DOK7: variants seen among roughly 807,000 people sequenced by gnomAD.
The protein encoded by DOK7 is docking protein 7, also known as protein Dok-7.
Under a neutral mutation model 30.7 loss-of-function variants are expected in DOK7, and 32 were observed. That is an observed-to-expected ratio of 1.04 (90% CI 0.79 to 1.40). The LOEUF (loss-of-function observed/expected upper bound fraction) is 1.40, where lower values mean the gene tolerates loss of function less well. Ranked by LOEUF, DOK7 falls within the 40% of genes most tolerant of loss-of-function variation. DOK7 has a pLI of 0.00. For synonymous variants in DOK7, 447 were observed against 324.1 expected (o/e 1.38, Z -4.07); for missense variants, 1,007 against 699.2 (o/e 1.44, Z -4.97).
intron 2 of DOK7, among the ~76,000 whole-genome samples, chr4:3,465,369 G>A (rs1051654540): frequency 6.6e-6 from 1 of 152,188 alleles, no homozygotes; most frequent in South Asian, 2.1e-4. Flanking sequence ...CCCGCTCAGC[G>A]CTGGAGACCA....
At chr4:3,490,198 T>TC (rs1176809149) in intron 6 of DOK7, among the ~76,000 whole-genome samples, 2 of 46,138 alleles carry the variant, frequency 4.3e-5, no homozygotes, top group Non-Finnish European at 7.3e-5. Context: ...ACTCATTCCT[T>TC]CCCCCCTCAT....
At chr4:3,464,240 C>T (rs1726142437) in intron 2 of DOK7, among the ~76,000 whole-genome samples, 1 of 152,188 alleles carries the variant, frequency 6.6e-6, no homozygotes, top group Admixed American at 6.5e-5. Flanking sequence ...GGATGCTCGG[C>T]CTGTGTGCAT....
chr4:3,469,288 G>A (rs907552801), intron 2 of DOK7, among the ~76,000 whole-genome samples: 1 of 152,044 alleles, frequency 6.6e-6, no homozygotes, highest in Non-Finnish European at 1.5e-5. Flanking sequence ...CCTCTTCCTC[G>A]TTTGTCTCCT....
chr4:3,482,942 A>G (rs1727521752), intron 4 of DOK7, among the ~76,000 whole-genome samples: 1 of 151,962 alleles, frequency 6.6e-6, no homozygotes, highest in Non-Finnish European at 1.5e-5. Flanking sequence ...CCGTGAGAGC[A>G]CCACAGAGGG....
At chr4:3,500,729 G>A in exon 8 of DOK7, 1 of 1,535,738 alleles carries the variant, frequency 6.5e-7, no homozygotes, top group Non-Finnish European at 8.7e-7. Flanking sequence ...TCGACATCAT[G>A]GCCACCGAGA....
chr4:3,482,069 C>T (rs1013672656), intron 4 of DOK7, among the ~76,000 whole-genome samples: 1 of 152,282 alleles, frequency 6.6e-6, no homozygotes, highest in South Asian at 2.1e-4. Context: ...CTTACCCTCA[C>T]GCCTCCTATC....
intron 7 of DOK7, chr4:3,500,478 C>G: frequency 6.6e-7 from 1 of 1,512,312 alleles, no homozygotes; most frequent in Non-Finnish European, 8.8e-7. Flanking sequence ...GAGCCCCCAG[C>G]CCCACCCAGC....
intron 4 of DOK7, among the ~76,000 whole-genome samples, chr4:3,480,371 G>A (rs564313023): frequency 6.6e-6 from 1 of 152,332 alleles, no homozygotes; most frequent in African/African-American, 2.4e-5. Flanking sequence ...ACTTTGGGAG[G>A]CGGAGGTGGG....
chr4:3,469,032 G>T (rs1262725476), intron 2 of DOK7, among the ~76,000 whole-genome samples: 3 of 149,292 alleles, frequency 2.0e-5, no homozygotes, highest in African/African-American at 7.5e-5. Flanking sequence ...GCCTGTGTAT[G>T]TGTATGAGTG....
In DOK7 at chr4:3,493,649, C is replaced by T. The variant is rs571393932; in HGVS notation, c.*148C>T. The T allele has an allele frequency of 1.6e-3, 2,273 of 1,461,292 alleles. 6 individuals are homozygous for T. The highest frequency in any genetic ancestry group is 2.5e-3 in the South Asian group (172 of 69,230). 90.5% of individuals were successfully genotyped at this position (1,461,292 alleles called of 1,614,324 possible). On this transcript the variant is annotated 3_prime_UTR_variant, in exon 7 of 7. Transcript: ENST00000340083. The stretch of plus-strand genomic sequence containing the variant: ...CCGGAGAGGGGAGCTGGAGGGCGCG[C>T]CCTGTGGCTGCCACCGGAGGAAGGG...
Position 3,467,206 on chromosome 4 carries a change from C to T in DOK7, c.100+3655C>T, listed in dbSNP as rs541946532. On this transcript the variant is annotated intron_variant, in intron 2 of 6. Transcript: ENST00000340083. ...GCGGGGACCCCCCCCACTGCGTCCCCGGCCCACACATGCCCCTGCCTTCCC... is the reference window on the plus strand; with the variant it reads ...GCGGGGACCCCCCCCACTGCGTCCCTGGCCCACACATGCCCCTGCCTTCCC... 7.4e-4 allele frequency among the ~76,000 whole-genome samples: 112 copies of T among 151,936 alleles called. No individual in the cohort carries two copies. The South Asian group carries it at 8.6e-3, about 12-fold the overall frequency.
downstream of DOK7, chr4:3,496,802 A>T (rs1228463527): frequency 6.5e-7 from 1 of 1,533,702 alleles, no homozygotes; most frequent in South Asian, 1.2e-5. Context: ...GCACTGACCC[A>T]GGTTCTCTTT....
intron 5 of DOK7, among the ~76,000 whole-genome samples, chr4:3,488,488 G>T (rs1727956703): frequency 6.6e-6 from 1 of 152,236 alleles, no homozygotes; most frequent in Non-Finnish European, 1.5e-5. Context: ...TCTCCGGAGC[G>T]CTGACCATGG....
chr4:3,489,944 C>T, intron 6 of DOK7, 148 bp downstream of exon 6: 1 of 1,279,610 alleles, frequency 7.8e-7, no homozygotes, highest in South Asian at 1.5e-5. Flanking sequence ...ATTCTTCCCC[C>T]AACTCCCCGC....
At position 3,485,662 on chromosome 4, in the gene DOK7, C is replaced by A. The variant is rs374675986; in HGVS notation, c.652+4C>A. The stretch of plus-strand genomic sequence containing the variant: ...GGGCTGCGGCCGGTTCTACCAGGTG[C>A]GTGTGGGAGCCTGGCCGGCCGGGGA... On this transcript the variant is annotated splice_donor_region_variant and intron_variant, in intron 5 of 6. Coordinates refer to ENST00000340083, the MANE Select transcript of DOK7 (RefSeq NM_173660.5). 7.0e-6 allele frequency: 11 copies of A among 1,569,426 alleles called. No homozygotes were observed. The highest frequency in any genetic ancestry group is 1.8e-5 in the Admixed American group (1 of 56,118).
At chr4:3,499,985 G>C (rs1235658923) in intron 6 of DOK7, among the ~76,000 whole-genome samples, 1 of 151,838 alleles carries the variant, frequency 6.6e-6, no homozygotes, top group African/African-American at 2.4e-5. Context: ...TTCCTGCAGG[G>C]GAGGCGGCAC....
At chr4:3,467,380 C>T (rs1433330817) in intron 2 of DOK7, among the ~76,000 whole-genome samples, 1 of 150,986 alleles carries the variant, frequency 6.6e-6, no homozygotes, top group East Asian at 2.0e-4. Flanking sequence ...CAGAAGCCTG[C>T]GTCCAACTGC....
intron 4 of DOK7, among the ~76,000 whole-genome samples, chr4:3,478,326 C>T (rs867705734): frequency 2.0e-5 from 3 of 152,204 alleles, no homozygotes; most frequent in African/African-American, 7.2e-5. Flanking sequence ...GCCCCTTTTC[C>T]GCTGGTAAAC....
chr4:3,496,067 C>G (rs928094242), downstream of DOK7, among the ~76,000 whole-genome samples: 3 of 152,216 alleles, frequency 2.0e-5, no homozygotes, highest in Admixed American at 6.5e-5. Flanking sequence ...CTGCCGGCTG[C>G]CGGAACCCAT....
Sources: allele counts gnomAD v4.1 joint callset (sites outside exome capture counted in the v4.1 genomes callset), GRCh38; gene constraint gnomAD v4.1.1; transcripts MANE v1.5; gene names NCBI Gene and HGNC (gene_info 2026-07-23, HGNC 2026-07-21).